Variants in PLCB1 observed in about 807,000 individuals in gnomAD.
PLCB1 encodes the protein phospholipase C beta 1.
Under a neutral mutation model 161.8 loss-of-function variants are expected in PLCB1, and 46 were observed. The observed-to-expected ratio is 0.28, with a 90% CI of 0.22 to 0.36. The LOEUF (loss-of-function observed/expected upper bound fraction) is 0.36. Among genes scored for constraint, PLCB1 ranks in the 10% least tolerant of loss-of-function variants. PLCB1 has a pLI of 1.00. For synonymous variants in PLCB1, 517 were observed against 503.7 expected, an observed-to-expected ratio of 1.03 and a Z score of -0.35; for missense variants, 1,016 against 1,472.5, an observed-to-expected ratio of 0.69 and a Z score of 5.07.
rs11474419 is a variant in PLCB1, at chr20:8,744,616, TAAATAAAATA to T, written c.2523+3077_2523+3086del. Among the ~76,000 whole-genome samples, 847 of 121,214 alleles carry T rather than the reference TAAATAAAATA, an allele frequency of 7.0e-3. 13 individuals are homozygous for T. The highest frequency in any genetic ancestry group is 0.023 in the African/African-American group (713 of 31,478). 79.5% of individuals were successfully genotyped at this position (121,214 alleles called of 152,430 possible). A position where few individuals can be genotyped will look rare whatever the true frequency, so the allele number is the denominator to read the frequency against. On this transcript the variant is annotated intron_variant, in intron 23 of 31. Transcript: ENST00000338037. ...GAGACCATGTCTCTTAAAAATAAAA[TAAATAAAATA>T]AAATAAAATAAAATAAAATAAAATA...
Position 8,759,929 on chromosome 20 carries a change from T to TTTCAC in PLCB1, c.2657-476_2657-472dup, listed in dbSNP as rs111708601. Among the ~76,000 whole-genome samples, 218 of 102,602 alleles carry TTTCAC rather than the reference T, an allele frequency of 2.1e-3. 1 individual carries two copies. Among genetic ancestry groups the TTTCAC allele is most frequent in the African/African-American group, 8.0e-3 (206 of 25,660 alleles). The allele number at this position is 102,602 out of a possible 152,430, so 67.3% of individuals were successfully genotyped here. Reference sequence around the variant, plus strand: ...TTTTTTTTTTTTTTTGGAGACAGACTTTCACTCAATCTGTCACATAGGGTG... The same window carrying TTTCAC: ...TTTTTTTTTTTTTTTGGAGACAGACTTTCACTTCACTCAATCTGTCACATAGGGTG... On this transcript the variant is annotated intron_variant, in intron 24 of 31. Transcript: ENST00000338037.
At chr20:8,524,469 A>C (rs1984502822) in intron 3 of PLCB1, among the ~76,000 whole-genome samples, 1 of 152,070 alleles carries the variant, frequency 6.6e-6, no homozygotes, top group Non-Finnish European at 1.5e-5. Flanking sequence ...TCTCTCCTTA[A>C]ATGCAAATTA....
chr20:8,824,380 G>A (rs1425777332), intron 31 of PLCB1, among the ~76,000 whole-genome samples: 1 of 149,818 alleles, frequency 6.7e-6, no homozygotes, highest in East Asian at 2.0e-4. Context: ...TAAAGGACAG[G>A]TTTAAAATGC....
chr20:8,632,054 T>G lies in PLCB1; in HGVS notation c.384+3623T>G, dbSNP rs912211963. Among the ~76,000 whole-genome samples, 183 of 143,092 alleles carry G rather than the reference T, an allele frequency of 1.3e-3. 4 individuals carry two copies. Among genetic ancestry groups the G allele is most frequent in the East Asian group, 3.7e-3 (18 of 4,848 alleles). The allele number at this position is 143,092 out of a possible 152,430, so 93.9% of individuals were successfully genotyped here. A position where few individuals can be genotyped will look rare whatever the true frequency, so the allele number is the denominator to read the frequency against. On this transcript the variant is annotated intron_variant, in intron 4 of 31. Transcript: ENST00000338037. ...TTTTTGCTTTTTTTTTTTTTTTTTTTTTTTTTTTTTTTTGCCTGCTGAAAA... is the reference window on the plus strand; with the variant it reads ...TTTTTGCTTTTTTTTTTTTTTTTTTGTTTTTTTTTTTTTGCCTGCTGAAAA...
chr20:8,716,395 A>G, intron 13 of PLCB1, 47 bp downstream of exon 13: 1 of 1,336,410 alleles, frequency 7.5e-7, no homozygotes, highest in Non-Finnish European at 1.1e-6. Context: ...TGCATTATTG[A>G]TGAATGAGGT....
chr20:8,314,993 A>G (rs561776065), intron 2 of PLCB1, among the ~76,000 whole-genome samples: 31 of 152,310 alleles, frequency 2.0e-4, no homozygotes, highest in African/African-American at 7.5e-4. Context: ...AACAGTCCCT[A>G]TGAGTCTGTA....
At chr20:8,840,100 C>T (rs6086630) in intron 31 of PLCB1, among the ~76,000 whole-genome samples, 48,326 of 150,686 alleles carry the variant, frequency 0.32, 8,688 homozygotes, top group East Asian at 0.63. Flanking sequence ...TTGTTTTTTT[C>T]TCACATATTT....
chr20:8,636,154 T>C (rs1040310890), intron 4 of PLCB1, among the ~76,000 whole-genome samples: 1 of 152,220 alleles, frequency 6.6e-6, no homozygotes, highest in Non-Finnish European at 1.5e-5. Context: ...AAACTGTGCA[T>C]GACTTCCTTG....
chr20:8,212,384 AT>A (rs1978871935), intron 2 of PLCB1, among the ~76,000 whole-genome samples: 1 of 152,110 alleles, frequency 6.6e-6, no homozygotes, highest in Admixed American at 6.6e-5. Context: ...TTTTGTATGC[AT>A]TTTATTCTAA....
At chr20:8,760,635 A>G (rs539266966) in intron 25 of PLCB1, among the ~76,000 whole-genome samples, 175 bp downstream of exon 25, 1 of 152,390 alleles carries the variant, frequency 6.6e-6, no homozygotes, top group East Asian at 1.9e-4. Context: ...TGATATAATC[A>G]CAGAGAAGTA....
At chr20:8,136,353 G>A (rs981452890) in intron 1 of PLCB1, among the ~76,000 whole-genome samples, 34 of 152,274 alleles carry the variant, frequency 2.2e-4, no homozygotes, top group African/African-American at 5.3e-4. Flanking sequence ...TCGGCCGGGC[G>A]CGGTGGCTCA....
chr20:8,285,468 T>C (rs538872407), intron 2 of PLCB1, among the ~76,000 whole-genome samples: 4 of 152,064 alleles, frequency 2.6e-5, no homozygotes, highest in Non-Finnish European at 5.9e-5. Context: ...AATTTTTAAT[T>C]TTTATTTTTT....
intron 3 of PLCB1, among the ~76,000 whole-genome samples, chr20:8,459,787 T>C (rs1413472519): frequency 6.6e-6 from 1 of 152,202 alleles, no homozygotes; most frequent in Non-Finnish European, 1.5e-5. Flanking sequence ...AAATCACCGC[T>C]TTGCATGGTA....
chr20:8,789,627 G>A (rs767588475), intron 30 of PLCB1, 52 bp downstream of exon 30: 6 of 1,346,386 alleles, frequency 4.5e-6, no homozygotes, highest in Non-Finnish European at 6.4e-6. Flanking sequence ...TGAACATTTG[G>A]TGAGCTCGCT....
intron 2 of PLCB1, among the ~76,000 whole-genome samples, chr20:8,253,858 G>A (rs897277135): frequency 1.3e-5 from 2 of 151,798 alleles, no homozygotes; most frequent in Non-Finnish European, 2.9e-5. Context: ...ACTTATAAGC[G>A]AGAACATGCA....
At chr20:8,444,041 C>T (rs1021986993) in intron 3 of PLCB1, among the ~76,000 whole-genome samples, 20 of 151,854 alleles carry the variant, frequency 1.3e-4, no homozygotes, top group Non-Finnish European at 2.5e-4. Context: ...TTGACCAATA[C>T]CTGATTTTTT....
intron 3 of PLCB1, among the ~76,000 whole-genome samples, chr20:8,524,899 G>A (rs1459648481): frequency 6.6e-6 from 1 of 152,302 alleles, no homozygotes; most frequent in South Asian, 2.1e-4. Flanking sequence ...GGGAGCGTCT[G>A]TGTACTGCCA....
chr20:8,775,911 G>A (rs1307243869), intron 27 of PLCB1, among the ~76,000 whole-genome samples: 1 of 152,198 alleles, frequency 6.6e-6, no homozygotes, highest in Admixed American at 6.5e-5. Context: ...ATTTCGAGGG[G>A]TTGCCTCATT....
intron 2 of PLCB1, among the ~76,000 whole-genome samples, chr20:8,326,083 T>C (rs1464887643): frequency 6.6e-6 from 1 of 152,202 alleles, no homozygotes; most frequent in Non-Finnish European, 1.5e-5. Flanking sequence ...CCTTCGAGGT[T>C]GTTTAAGTAA....
Sources: allele counts gnomAD v4.1 joint callset (sites outside exome capture counted in the v4.1 genomes callset), GRCh38; gene constraint gnomAD v4.1.1; transcripts MANE v1.5; gene names NCBI Gene and HGNC (gene_info 2026-07-23, HGNC 2026-07-21).